The following SEH1L variants were observed in gnomAD, a reference collection of about 807,000 sequenced individuals.
SEH1L encodes nucleoporin SEH1.
Under a neutral mutation model 49.5 loss-of-function variants are expected in SEH1L, and 18 were observed. The observed-to-expected ratio is 0.36, with a 90% CI of 0.25 to 0.54. The LOEUF (loss-of-function observed/expected upper bound fraction) is 0.54, where lower values mean the gene tolerates loss of function less well. Among genes scored for constraint, SEH1L ranks in the 20% least tolerant of loss-of-function variants. The probability of loss-of-function intolerance (pLI) is 0.87; values close to 1 mark genes in which losing one functional copy is unlikely to be tolerated. For missense variants in SEH1L, 404 were observed against 528.8 expected (o/e 0.76, Z 2.31); for synonymous variants, 169 against 178.1 (o/e 0.95, Z 0.41).
chr18:12,978,613 T>G (rs1268230846), intron 5 of SEH1L, 139 bp from the exon 6 acceptor site: 3 of 623,722 alleles, frequency 4.8e-6, no homozygotes, highest in Non-Finnish European at 8.3e-6. Context: ...CATATTCTTT[T>G]GGGGGCTGCT....
chr18:12,975,995 G>C (rs892004822), intron 5 of SEH1L: 2 of 482,108 alleles, frequency 4.1e-6, no homozygotes, highest in African/African-American at 4.2e-5. Context: ...TGTTTGAGGT[G>C]CGTTTGGAAC....
At chr18:12,975,231 A>T (rs2031869724) in intron 5 of SEH1L, among the ~76,000 whole-genome samples, 1 of 152,018 alleles carries the variant, frequency 6.6e-6, no homozygotes, top group Admixed American at 6.6e-5. Context: ...ACCTCAGGTG[A>T]TCTGCCTGCT....
rs1005780733 is a variant in SEH1L, at chr18:12,986,954, A to G, written c.1163A>G (p.Glu388Gly). Residue 388 changes from glutamate to glycine, a missense_variant, in exon 9 of 9, where the codon GAG becomes GGG. By Grantham distance (98) the Glu-to-Gly change is moderately conservative. Around this residue, in one of 3 missense-constraint regions of SEH1L, gnomAD observed 342 missense variants for 430.8 expected, o/e 0.79. Coordinates refer to ENST00000399892, the MANE Select transcript of SEH1L (RefSeq NM_001013437.2). ...LLPPPPPPLV[E>G]HSCDADTANL... ...CCTCCTCCTCCTCCTCCTCTGGTAG[A>G]GCACTCTTGCGATGCTGACACTGCC... 1 of 1,613,886 alleles carries G rather than the reference A, an allele frequency of 6.2e-7. No individual in the cohort carries two copies. The highest frequency in any genetic ancestry group is 8.5e-7 in the Non-Finnish European group (1 of 1,179,938).
rs1486899933 is a variant in SEH1L, at chr18:12,979,399, C to A, written c.761+507C>A. ...CAGGGTTGGGGGTAAGGTCACAGAT[C>A]AACAGGATCCCAAGGCAGAAGAATT... On this transcript the variant is annotated intron_variant, in intron 6 of 8. Coordinates refer to ENST00000399892, the MANE Select transcript of SEH1L (RefSeq NM_001013437.2). 1.3e-4 allele frequency among the ~76,000 whole-genome samples: 19 copies of A among 149,078 alleles called. No homozygotes were observed. In the East Asian group the frequency reaches 1.8e-3, roughly 14 times the overall value.
chr18:12,978,597 C>A, intron 5 of SEH1L, 155 bp from the exon 6 acceptor site: 1 of 592,886 alleles, frequency 1.7e-6, no homozygotes, highest in East Asian at 2.8e-5. Context: ...GGGGTCAGGA[C>A]TTGGACATAT....
intron 1 of SEH1L, among the ~76,000 whole-genome samples, chr18:12,950,555 G>T (rs544405172): frequency 1.3e-5 from 2 of 152,070 alleles, no homozygotes; most frequent in Non-Finnish European, 2.9e-5. Flanking sequence ...TATATGTCTT[G>T]TCAGAAATAG....
chr18:12,985,358 C>T (rs577825435), intron 8 of SEH1L: 12 of 1,524,074 alleles, frequency 7.9e-6, no homozygotes, highest in Non-Finnish European at 8.8e-6. Context: ...TGACCTCTCC[C>T]AAGATACACC....
At chr18:12,985,154 A>T (rs2032413632) in intron 8 of SEH1L, 4 of 1,412,702 alleles carry the variant, frequency 2.8e-6, no homozygotes, top group Non-Finnish European at 3.9e-6. Flanking sequence ...CTATTTTTTG[A>T]TCTGTATTCT....
Position 12,978,794 on chromosome 18 carries a change from T to C in SEH1L, c.663T>C (p.Pro221=). The part of the protein sequence containing the change: ...KAETLMTVTD[P]VHDIAFAPNL... The stretch of plus-strand genomic sequence containing the variant: ...AAACTCTTATGACAGTCACTGATCC[T>C]GTTCATGATATTGCATTCGCTCCAA... Residue 221 remains proline (P), a synonymous_variant, in exon 6 of 9, where the codon CCT becomes CCC. Coordinates refer to ENST00000399892, the MANE Select transcript of SEH1L (RefSeq NM_001013437.2). The C allele has an allele frequency of 6.2e-7, 1 of 1,613,754 alleles. No homozygotes were observed. The highest frequency in any genetic ancestry group is 1.1e-5 in the South Asian group (1 of 91,066).
intron 4 of SEH1L, chr18:12,964,448 G>A (rs2031340191): frequency 6.6e-6 from 1 of 151,988 alleles, no homozygotes; most frequent in African/African-American, 2.4e-5. Context: ...TATCCAAACT[G>A]ATAGAAAAGA....
intron 4 of SEH1L, among the ~76,000 whole-genome samples, chr18:12,967,050 G>GT (rs34549663): frequency 0.28 from 42,247 of 151,958 alleles, 6,600 homozygotes; most frequent in East Asian, 0.58. Context: ...TTTCCCTGTG[G>GT]TTTCTAGTGA....
At chr18:12,958,562 A>G (rs755367431) in intron 3 of SEH1L, among the ~76,000 whole-genome samples, 4 of 152,022 alleles carry the variant, frequency 2.6e-5, no homozygotes, top group African/African-American at 4.8e-5. Flanking sequence ...CTGTCTGTCT[A>G]TAAATTTGAC....
chr18:12,952,305 T>C (rs569623446), intron 2 of SEH1L, among the ~76,000 whole-genome samples: 122 of 151,652 alleles, frequency 8.0e-4, no homozygotes, highest in African/African-American at 2.9e-3. Context: ...TGATCTTGGC[T>C]CACTGCAACC....
intron 6 of SEH1L, among the ~76,000 whole-genome samples, chr18:12,981,850 A>ATTTTT (rs554886753): frequency 0.017 from 1,465 of 88,158 alleles, 155 homozygotes; most frequent in Middle Eastern, 0.038. Flanking sequence ...TGCCCTGCCC[A>ATTTTT]TTTTTTTTTT....
chr18:12,968,433 C>T (rs2031546605), intron 4 of SEH1L, among the ~76,000 whole-genome samples: 1 of 152,142 alleles, frequency 6.6e-6, no homozygotes, highest in South Asian at 2.1e-4. Flanking sequence ...ATTTCCAGCT[C>T]TTACCTTTTC....
chr18:12,980,316 G>A (rs1173118646), intron 6 of SEH1L, among the ~76,000 whole-genome samples: 1 of 131,368 alleles, frequency 7.6e-6, no homozygotes, highest in Non-Finnish European at 1.7e-5. Context: ...CAGTAGGGGC[G>A]GCCGGGCAGA....
At chr18:12,985,448 G>C in intron 8 of SEH1L, 1 of 1,293,536 alleles carries the variant, frequency 7.7e-7, no homozygotes, top group Non-Finnish European at 9.8e-7. Flanking sequence ...TCAGTTTATT[G>C]ACACTATTTG....
intron 5 of SEH1L, chr18:12,973,882 G>A (rs148731401): frequency 6.6e-6 from 1 of 152,182 alleles, no homozygotes; most frequent in Non-Finnish European, 1.5e-5. Context: ...GATCACAAAA[G>A]AGCTGCACAA....
intron 2 of SEH1L, among the ~76,000 whole-genome samples, chr18:12,954,745 G>A (rs2030751715): frequency 6.6e-6 from 1 of 152,196 alleles, no homozygotes; most frequent in African/African-American, 2.4e-5. Flanking sequence ...TGAGAAGACA[G>A]GCGTGAGCCA....
Sources: allele counts gnomAD v4.1 joint callset (sites outside exome capture counted in the v4.1 genomes callset), GRCh38; gene constraint gnomAD v4.1.1; regional missense constraint gnomAD v4.1.1; transcripts MANE v1.5; gene names NCBI Gene and HGNC (gene_info 2026-07-23, HGNC 2026-07-21).